The following CYP2R1 variants were observed in gnomAD, a reference collection of about 807,000 sequenced individuals.
CYP2R1 encodes cytochrome P450 family 2 subfamily R member 1, also known as vitamin D 25-hydroxylase.
A neutral mutation model predicts 45.7 loss-of-function variants in CYP2R1; 40 were observed. That is an observed-to-expected ratio of 0.87 (90% CI 0.68 to 1.14). The LOEUF is 1.14. Among genes scored for constraint, CYP2R1 ranks in the 50% most tolerant of loss-of-function variants. CYP2R1 has a pLI of 0.00. For missense variants in CYP2R1, 605 were observed against 602.6 expected (o/e 1.00, Z -0.04); for synonymous variants, 234 against 219.3 (o/e 1.07, Z -0.59).
chr11:14,888,258 A>G (rs987688722), intron 1 of CYP2R1, among the ~76,000 whole-genome samples: 10 of 152,242 alleles, frequency 6.6e-5, no homozygotes, highest in African/African-American at 1.2e-4. Flanking sequence ...TATAAGCTAC[A>G]TAAGGGCAGG....
chr11:14,878,398 C>A, intron 4 of CYP2R1, 101 bp from the exon 5 acceptor site: 5 of 1,151,590 alleles, frequency 4.3e-6, no homozygotes, highest in Non-Finnish European at 6.3e-6. Context: ...GGAATTTAAA[C>A]AAAGAAAGAG....
intron 1 of CYP2R1, among the ~76,000 whole-genome samples, chr11:14,888,363 G>A (rs1262091829): frequency 6.6e-6 from 1 of 152,228 alleles, no homozygotes; most frequent in Non-Finnish European, 1.5e-5. Flanking sequence ...TAGTCATAGA[G>A]ACATACATTT....
chr11:14,892,146 C>T lies in CYP2R1; in HGVS notation c.60G>A (p.Leu20=). 1 of 1,611,266 alleles carries T rather than the reference C, an allele frequency of 6.2e-7. No individual in the cohort carries two copies. Among genetic ancestry groups the T allele is most frequent in the Non-Finnish European group, 8.5e-7 (1 of 1,179,736 alleles). ...GGCGGACCCCTAGCGCGAAGAGCAGCAGGAAGAGCGCGCCGCCGAGCGCCG... is the reference window on the plus strand; with the variant it reads ...GGCGGACCCCTAGCGCGAAGAGCAGTAGGAAGAGCGCGCCGCCGAGCGCCG... ...GAAALGGALF[L]LLFALGVRQL... is the part of the protein sequence containing the mutation. The change falls in exon 1 of 5, where the codon CTG becomes CTA. Residue 20 remains leucine, a synonymous_variant. Transcript: ENST00000334636.
At chr11:14,889,910 C>T (rs946847186) in intron 1 of CYP2R1, among the ~76,000 whole-genome samples, 1 of 152,068 alleles carries the variant, frequency 6.6e-6, no homozygotes, top group Admixed American at 6.5e-5. Flanking sequence ...GGGCAGATCA[C>T]GAGGTCAGGA....
rs1555010286 is a variant in CYP2R1, at chr11:14,878,167, C to T, written c.1461G>A (p.Met487Ile). The change falls in exon 5 of 5, where the codon ATG becomes ATA. Residue 487 changes from methionine to isoleucine, a missense_variant. Coordinates refer to ENST00000334636, the MANE Select transcript of CYP2R1 (RefSeq NM_024514.5). ...TGAGGTAGGGTTGGGGCTGCAATGT[C>T]ATGCCTAACCTGGGCTTCAGATCTG... is the stretch of plus-strand genomic sequence containing the variant. The part of the protein sequence containing the change: ...LVPDLKPRLG[M>I]TLQPQPYLIC... 1.2e-6 allele frequency: 2 copies of T among 1,613,110 alleles called. No homozygotes were observed. Among genetic ancestry groups the T allele is most frequent in the South Asian group, 2.2e-5 (2 of 91,026 alleles).
At chr11:14,878,338 A>T (rs1848237487) in intron 4 of CYP2R1, 41 bp from the exon 5 acceptor site, 4 of 1,581,936 alleles carry the variant, frequency 2.5e-6, no homozygotes, top group Middle Eastern at 1.7e-4. Context: ...TTAAACCCAC[A>T]ATCTTTACCA....
chr11:14,891,828 AC>A, intron 1 of CYP2R1, 152 bp downstream of exon 1: 3 of 966,324 alleles, frequency 3.1e-6, no homozygotes, highest in Non-Finnish European at 3.7e-6. Flanking sequence ...TCCCTTCCAG[AC>A]CCGGGAAGCG....
At chr11:14,888,912 G>A (rs990175539) in intron 1 of CYP2R1, among the ~76,000 whole-genome samples, 20 of 152,104 alleles carry the variant, frequency 1.3e-4, no homozygotes, top group Non-Finnish European at 2.5e-4. Context: ...TCCTAGCCAG[G>A]GAATGCCTCT....
chr11:14,890,581 C>G (rs1288465527), intron 1 of CYP2R1: 2 of 269,204 alleles, frequency 7.4e-6, no homozygotes, highest in Non-Finnish European at 9.7e-6. Context: ...GAGTCTGGCT[C>G]TGTTGCCCAG....
In CYP2R1 at chr11:14,892,079, G is replaced by T; in HGVS notation, c.127C>A (p.Pro43Thr). Residue 43 changes from proline to threonine, a missense_variant, in exon 1 of 5, where the codon CCG becomes ACG. Transcript: ENST00000334636. ...QRRPMGFPPG[P>T]PGLPFIGNIY... is the part of the protein sequence containing the mutation. Reference sequence around the variant, plus strand: ...TTGCCGATAAATGGCAGCCCCGGCGGCCCCGGGGGGAAGCCCATCGGCCGC... The same window carrying T: ...TTGCCGATAAATGGCAGCCCCGGCGTCCCCGGGGGGAAGCCCATCGGCCGC... 1 of 1,611,752 alleles carries T rather than the reference G, an allele frequency of 6.2e-7. No individual in the cohort carries two copies. The highest frequency in any genetic ancestry group is 8.5e-7 in the Non-Finnish European group (1 of 1,179,614).
intron 1 of CYP2R1, among the ~76,000 whole-genome samples, chr11:14,887,947 T>G (rs1273751243): frequency 1.3e-5 from 2 of 152,218 alleles, no homozygotes; most frequent in Non-Finnish European, 2.9e-5. Flanking sequence ...ATTTCATCCT[T>G]GTCTTTTTAC....
Position 14,879,375 on chromosome 11 carries a change from T to C in CYP2R1, c.1069A>G (p.Lys357Glu), listed in dbSNP as rs1848284394. 6.2e-7 allele frequency: 1 copy of C among 1,610,608 alleles called. No homozygotes were observed. The change falls in exon 4 of 5, where the codon AAA (lysine) becomes GAA (glutamate). Residue 357 changes from lysine to glutamate, a missense_variant. Transcript: ENST00000334636. Reference protein sequence around the residue: ...NGKPSWDDKCKMPYTEAVLHE... With the variant: ...NGKPSWDDKCEMPYTEAVLHE... ...AAAACTGCCTCAGTATAAGGCATTT[T>C]GCATTTGTCGTCCCAAGAAGGCTTC...
intron 1 of CYP2R1, among the ~76,000 whole-genome samples, chr11:14,889,895 G>T (rs1473193623): frequency 1.3e-5 from 2 of 152,102 alleles, no homozygotes; most frequent in African/African-American, 4.8e-5. Context: ...TTGGGAGGCC[G>T]AGGCGGGCAG....
At chr11:14,886,173 G>A (rs142620703) in intron 1 of CYP2R1, 20 of 476,018 alleles carry the variant, frequency 4.2e-5, no homozygotes, top group Admixed American at 1.4e-4. Context: ...TACTGGACTC[G>A]GGAGGCCTGG....
rs200643494 is a variant in CYP2R1 at position 14,879,098 on chromosome 11, G to A, written c.1330+16C>T. 763 of 1,601,332 alleles carry A rather than the reference G, an allele frequency of 4.8e-4. 5 individuals are homozygous for A. The highest frequency in any genetic ancestry group is 8.4e-5 in the Non-Finnish European group (98 of 1,168,888). Reference sequence around the variant, plus strand: ...ATCCTTTATTCTAAAGTTACGCCCCGTGAAAGTTCTCTTACCTAGGGAAAA... The same window carrying A: ...ATCCTTTATTCTAAAGTTACGCCCCATGAAAGTTCTCTTACCTAGGGAAAA... On this transcript the variant is annotated intron_variant, in intron 4 of 4. Coordinates refer to ENST00000334636, the MANE Select transcript of CYP2R1 (RefSeq NM_024514.5).
chr11:14,886,132 C>G (rs192488136), intron 1 of CYP2R1: 53 of 566,288 alleles, frequency 9.4e-5, no homozygotes, highest in East Asian at 4.7e-4. Context: ...TGCCTAAAGT[C>G]ACAGTCTTAC....
intron 1 of CYP2R1, chr11:14,891,734 G>A (rs1555017101): frequency 7.5e-7 from 1 of 1,327,162 alleles, no homozygotes; most frequent in Non-Finnish European, 9.6e-7. Context: ...AATCAGGACT[G>A]GATCGCCTCG....
chr11:14,891,848 T>G, intron 1 of CYP2R1, 133 bp downstream of exon 1: 9 of 1,414,398 alleles, frequency 6.4e-6, no homozygotes, highest in Non-Finnish European at 8.4e-6. Context: ...CGGGTGTCCC[T>G]CAAAGGGCAG....
At position 14,878,248 on chromosome 11, in the gene CYP2R1, CAAG is replaced by C. The variant is rs781951117; in HGVS notation, c.1377_1379del (p.Phe459del). On this transcript the variant is annotated inframe_deletion, in exon 5 of 5. Coordinates refer to ENST00000334636, the MANE Select transcript of CYP2R1 (RefSeq NM_024514.5). ...ACCTCTGAAGCAATGCTGTAAAAAACAAGAACATTTCCATCCGAGCCAAGTGTT... is the reference window on the plus strand; with the variant it reads ...ACCTCTGAAGCAATGCTGTAAAAAACAACATTTCCATCCGAGCCAAGTGTT... The C allele has an allele frequency of 1.9e-6, 3 of 1,613,108 alleles. No homozygotes were observed. The highest frequency in any genetic ancestry group is 2.5e-6 in the Non-Finnish European group (3 of 1,179,438).
Sources: gnomAD v4.1 joint callset for allele counts (sites outside exome capture counted in the v4.1 genomes callset) on GRCh38, gnomAD v4.1.1 for gene constraint, MANE v1.5 for transcripts, NCBI Gene and HGNC (gene_info 2026-07-23, HGNC 2026-07-21) for gene names.